Variants in NFIC observed in about 807,000 individuals in gnomAD.
NFIC encodes nuclear factor I C.
NFIC carries 12 observed loss-of-function variants against 54.4 expected under a neutral mutation model. That is an observed-to-expected ratio of 0.22 (90% CI 0.14 to 0.36). The LOEUF (loss-of-function observed/expected upper bound fraction) is 0.36, where lower values mean the gene tolerates loss of function less well. Ranked by LOEUF, NFIC falls within the 10% of genes least tolerant of loss-of-function variation. The pLI, the probability that NFIC is intolerant of heterozygous loss-of-function variation, is 1.00. For synonymous variants in NFIC, 322 were observed against 319.2 expected, an observed-to-expected ratio of 1.01 and a Z score of -0.09; for missense variants, 575 against 718.2, an observed-to-expected ratio of 0.80 and a Z score of 2.28.
At chr19:3,424,217 G>A (rs563049788) in intron 2 of NFIC, among the ~76,000 whole-genome samples, 3 of 152,020 alleles carry the variant, frequency 2.0e-5, no homozygotes, top group South Asian at 2.1e-4. Flanking sequence ...TAGTAGAGAC[G>A]GGGTTTTGCC....
chr19:3,423,433 C>T (rs897928938), intron 2 of NFIC, among the ~76,000 whole-genome samples: 4 of 150,528 alleles, frequency 2.7e-5, no homozygotes, highest in Admixed American at 6.6e-5. Context: ...TGGGGTCTGG[C>T]GGGTGGGCAG....
In NFIC at chr19:3,434,358, G is replaced by C. The variant is rs770098748; in HGVS notation, c.791G>C (p.Ser264Thr). 1 of 1,613,278 alleles carries C rather than the reference G, an allele frequency of 6.2e-7. No individual in the cohort carries two copies. The highest frequency in any genetic ancestry group is 1.1e-5 in the South Asian group (1 of 90,994). The change falls in exon 5 of 11, where the codon AGC (serine) becomes ACC (threonine). Residue 264 changes from serine (S) to threonine (T), a missense_variant. By Grantham distance (58) the Ser-to-Thr change is moderately conservative (BLOSUM62 1). Transcript: ENST00000443272. ...GHLAYDLNPA[S>T]TGLRRTLPST... ...CTGGCATACGACCTGAACCCAGCCA[G>C]CACTGGCCTCAGAAGAACGCTGCCC... is the stretch of plus-strand genomic sequence containing the variant.
chr19:3,381,994 G>A lies in NFIC; in HGVS notation c.313G>A (p.Val105Met). ...CACCGGCAAGAAGGCGCCGGGCTGC[G>A]TGCTCTCCAACCCCGACCAGAAGGG... Reference protein sequence around the residue: ...SITGKKAPGCVLSNPDQKGKM... With the variant: ...SITGKKAPGCMLSNPDQKGKM... Residue 105 changes from valine to methionine, a missense_variant, in exon 2 of 11, where the codon GTG becomes ATG. Val to Met is a conservative substitution (Grantham distance 21). Around this residue, in one of 3 missense-constraint regions of NFIC, gnomAD observed 122 missense variants for 158.0 expected, o/e 0.77. Transcript: ENST00000443272. The A allele has an allele frequency of 6.2e-7, 1 of 1,613,506 alleles. No homozygotes were observed. The highest frequency in any genetic ancestry group is 8.5e-7 in the Non-Finnish European group (1 of 1,179,938).
intron 2 of NFIC, among the ~76,000 whole-genome samples, chr19:3,395,129 C>T (rs540366785): frequency 1.2e-4 from 19 of 152,200 alleles, no homozygotes; most frequent in Non-Finnish European, 2.5e-4. Context: ...GAAGCCGAGA[C>T]GGGCGGATCT....
chr19:3,367,028 GC>G (rs1223235903), intron 1 of NFIC, among the ~76,000 whole-genome samples: 6 of 151,498 alleles, frequency 4.0e-5, no homozygotes, highest in Admixed American at 2.0e-4. Context: ...GTGGGGGCTG[GC>G]CCCCCTCCAG....
chr19:3,452,599 A>AC lies in NFIC; in HGVS notation c.1207dup (p.Gln403ProfsTer139). ...GCCATCCGCTACCCACCTCATCTCAACCCCCAGGACCCGCTCAAAGATCTT... is the reference window on the plus strand; with the variant it reads ...GCCATCCGCTACCCACCTCATCTCAACCCCCCAGGACCCGCTCAAAGATCTT... On this transcript the variant is annotated frameshift_variant, in exon 8 of 11. Coordinates refer to ENST00000443272, the MANE Select transcript of NFIC (RefSeq NM_001245002.2). LOFTEE classifies it high-confidence loss of function. This position sits in a 1 kb window ranked among gnomAD's most constrained non-coding sequence, Gnocchi z 5.3. The AC allele has an allele frequency of 6.2e-7, 1 of 1,610,078 alleles. No individual in the cohort carries two copies. Among genetic ancestry groups the AC allele is most frequent in the Non-Finnish European group, 8.5e-7 (1 of 1,178,932 alleles).
At chr19:3,449,409 G>A (rs767145545) in intron 7 of NFIC, among the ~76,000 whole-genome samples, 29 of 149,922 alleles carry the variant, frequency 1.9e-4, no homozygotes, top group Non-Finnish European at 3.7e-4. Context: ...CCTCACCCCC[G>A]TCTCAATCTA....
At chr19:3,365,202 G>A (rs1346588961), upstream of NFIC, among the ~76,000 whole-genome samples, 2 of 152,196 alleles carry the variant, frequency 1.3e-5, no homozygotes, top group Non-Finnish European at 2.9e-5. Context: ...GGTATCTTCT[G>A]CGCCCCTGGG....
Position 3,372,710 on chromosome 19 carries a change from G to A in NFIC, c.30+6044G>A, listed in dbSNP as rs559150665. Among the ~76,000 whole-genome samples, 9 of 149,264 alleles carry A rather than the reference G, an allele frequency of 6.0e-5. No homozygotes were observed. In the East Asian group the frequency reaches 1.9e-3, roughly 32 times the overall value. On this transcript the variant is annotated intron_variant, in intron 1 of 10. Coordinates refer to ENST00000443272, the MANE Select transcript of NFIC (RefSeq NM_001245002.2). The stretch of plus-strand genomic sequence containing the variant: ...GTTTGCTCAAGGGGCCCAGGAGTGG[G>A]GTGGGGGGGTGCCAGGAGGCCCAGG...
chr19:3,459,309 C>T lies in NFIC; in HGVS notation c.1509+2674C>T, dbSNP rs547880092. 6.6e-6 allele frequency among the ~76,000 whole-genome samples: 1 copy of T among 151,590 alleles called. No individual in the cohort carries two copies. The highest frequency in any genetic ancestry group is 2.0e-4 in the East Asian group (1 of 5,124). ...TAATTGATCTCGCCCTGGTCAGTTA[C>T]CCACCCATCGCCCCATGTCCGTCCC... On this transcript the variant is annotated intron_variant, in intron 10 of 10. Coordinates refer to ENST00000443272, the MANE Select transcript of NFIC (RefSeq NM_001245002.2). This position sits in a 1 kb window ranked among gnomAD's most constrained non-coding sequence, Gnocchi z 4.2.
intron 2 of NFIC, among the ~76,000 whole-genome samples, chr19:3,416,301 G>A (rs7247005): frequency 0.32 from 48,176 of 148,426 alleles, 13,075 homozygotes; most frequent in African/African-American, 0.75. Flanking sequence ...AAATGTACCT[G>A]TGCCATCAAA....
At position 3,370,834 on chromosome 19, in the gene NFIC, G is replaced by A. The variant is rs549864122; in HGVS notation, c.30+4168G>A. Among the ~76,000 whole-genome samples the A allele has an allele frequency of 3.3e-5, 5 of 152,180 alleles. No homozygotes were observed. In the South Asian group the frequency reaches 6.2e-4, roughly 19 times the overall value. On this transcript the variant is annotated intron_variant, in intron 1 of 10. Transcript: ENST00000443272. This position sits in a 1 kb window ranked among gnomAD's most constrained non-coding sequence, Gnocchi z 5.2. ...TGCCTGGGCCTCCTGCCCCGGACAC[G>A]GCCCGCCCCCCACTCTCCTGCCTGT...
At chr19:3,390,587 C>T (rs1331251631) in intron 2 of NFIC, among the ~76,000 whole-genome samples, 65 of 152,128 alleles carry the variant, frequency 4.3e-4, no homozygotes, top group Non-Finnish European at 5.9e-5. Flanking sequence ...TGATAATAAT[C>T]CTGCCCACCT....
chr19:3,398,425 G>A (rs2081499561), intron 2 of NFIC, among the ~76,000 whole-genome samples: 1 of 152,270 alleles, frequency 6.6e-6, no homozygotes, highest in Non-Finnish European at 1.5e-5. Context: ...TCACTCTGGT[G>A]TCATCGCCTC....
intron 2 of NFIC, among the ~76,000 whole-genome samples, chr19:3,391,425 A>T (rs1599599430): frequency 6.6e-6 from 1 of 151,950 alleles, no homozygotes; most frequent in Non-Finnish European, 1.5e-5. Context: ...CTGAGGCGGG[A>T]AGATGACTTG....
At chr19:3,396,198 G>A (rs1481536668) in intron 2 of NFIC, among the ~76,000 whole-genome samples, 4 of 152,096 alleles carry the variant, frequency 2.6e-5, no homozygotes, top group Admixed American at 6.6e-5. Context: ...CGGGCCGGGC[G>A]CGGCGGCTCA....
At chr19:3,436,309 A>ATT (rs71166903) in intron 6 of NFIC, among the ~76,000 whole-genome samples, 6 of 85,506 alleles carry the variant, frequency 7.0e-5, no homozygotes, top group African/African-American at 1.3e-4. Context: ...TGCGCCGTTA[A>ATT]TTTTTTTTTT....
upstream of NFIC, among the ~76,000 whole-genome samples, chr19:3,364,403 G>A (rs1369364995): frequency 6.6e-6 from 1 of 152,230 alleles, no homozygotes; most frequent in Non-Finnish European, 1.5e-5. Context: ...AGACGAAGCT[G>A]CTGACTGGAG....
At chr19:3,377,716 A>G (rs1320602068) in intron 1 of NFIC, among the ~76,000 whole-genome samples, 1 of 151,984 alleles carries the variant, frequency 6.6e-6, no homozygotes, top group Non-Finnish European at 1.5e-5. Flanking sequence ...GGCTCAAGTG[A>G]TCCTCCCACC....
Sources: gnomAD v4.1 joint callset for allele counts (sites outside exome capture counted in the v4.1 genomes callset) on GRCh38, gnomAD v4.1.1 for gene constraint, gnomAD v4.1.1 regional missense constraint, Gnocchi (gnomAD v3.1) non-coding constraint, MANE v1.5 for transcripts, NCBI Gene and HGNC (gene_info 2026-07-23, HGNC 2026-07-21) for gene names.